The following USP47 variants were observed in gnomAD, a reference collection of about 807,000 sequenced individuals.
The protein encoded by USP47 is ubiquitin carboxyl-terminal hydrolase 47.
A neutral mutation model predicts 165.1 loss-of-function variants in USP47; 35 were observed. That is an observed-to-expected ratio of 0.21 (90% confidence interval 0.16 to 0.28). The LOEUF is 0.28. USP47 is among the 10% of genes least tolerant of loss of function. USP47 has a pLI of 1.00. For missense variants in USP47, 1,277 were observed against 1,607.4 expected, an observed-to-expected ratio of 0.79 and a Z score of 3.52; for synonymous variants, 531 against 544.5, an observed-to-expected ratio of 0.98 and a Z score of 0.35.
chr11:11,946,793 A>C (rs543138678), intron 20 of USP47, among the ~76,000 whole-genome samples: 6 of 152,338 alleles, frequency 3.9e-5, no homozygotes, highest in Admixed American at 1.3e-4. Context: ...CAAAAGGTAG[A>C]TAGTAAATAA....
intron 8 of USP47, among the ~76,000 whole-genome samples, chr11:11,911,409 T>A (rs1852973964): frequency 6.6e-6 from 1 of 151,566 alleles, no homozygotes; most frequent in African/African-American, 2.4e-5. Flanking sequence ...CAGATCTGAG[T>A]AGCTGAGCAA....
At chr11:11,948,831 C>T in intron 22 of USP47, 1 of 319,824 alleles carries the variant, frequency 3.1e-6, no homozygotes, top group Non-Finnish European at 5.8e-6. Flanking sequence ...GGCCCTCAGG[C>T]CACTGTTTGT....
chr11:11,931,516 C>G (rs2134690853), intron 14 of USP47, among the ~76,000 whole-genome samples: 1 of 152,238 alleles, frequency 6.6e-6, no homozygotes, highest in Non-Finnish European at 1.5e-5. Flanking sequence ...AAAGAGTAAG[C>G]TGACCCAGGT....
In USP47 at chr11:11,942,843, T is replaced by C; in HGVS notation, c.2822T>C (p.Ile941Thr). 6.2e-7 allele frequency: 1 copy of C among 1,613,762 alleles called. No homozygotes were observed. The change falls in exon 20 of 28, where the codon ATT becomes ACT. Residue 941 changes from isoleucine to threonine, a missense_variant. Coordinates refer to ENST00000527733, the MANE Select transcript of USP47 (RefSeq NM_001282659.2). ...DRSTSSVDSD[I>T]LSSSHSSDTL... ...AGTACAAGTTCAGTGGACAGTGATA[T>C]TCTTAGCTCCAGTCATAGCAGTGAT...
chr11:11,891,252 C>G (rs1476814130), intron 3 of USP47, among the ~76,000 whole-genome samples: 2 of 152,170 alleles, frequency 1.3e-5, no homozygotes, highest in African/African-American at 2.4e-5. Context: ...TTTTCAGAAT[C>G]CTTCTGTTTA....
chr11:11,866,436 G>A (rs1349364745), intron 1 of USP47, among the ~76,000 whole-genome samples: 1 of 152,194 alleles, frequency 6.6e-6, no homozygotes, highest in Non-Finnish European at 1.5e-5. Context: ...GATGGCATAT[G>A]TGAGCTAATT....
chr11:11,876,332 A>G (rs546250554), intron 1 of USP47, among the ~76,000 whole-genome samples: 2 of 152,232 alleles, frequency 1.3e-5, no homozygotes, highest in African/African-American at 4.8e-5. Context: ...TTAATGTTGG[A>G]TGTAGTACTT....
intron 1 of USP47, among the ~76,000 whole-genome samples, chr11:11,871,492 A>C (rs1305295588): frequency 1.8e-5 from 2 of 109,096 alleles, no homozygotes; most frequent in African/African-American, 3.5e-5. Flanking sequence ...ACAGAGCGAA[A>C]CTCCCTCTCA....
Position 11,936,427 on chromosome 11 carries a change from G to A in USP47, c.1994G>A (p.Gly665Asp). The change falls in exon 17 of 28, where the codon GGT becomes GAT. Residue 665 changes from glycine (G) to aspartate (D), a missense_variant. Gly to Asp is a moderately conservative substitution (Grantham distance 94, BLOSUM62 -1). Coordinates refer to ENST00000527733, the MANE Select transcript of USP47 (RefSeq NM_001282659.2). ...EEDTPMGLLL[G>D]GVKSTYMFDL... ...GATACACCAATGGGGCTTCTACTAGGTGGCGTCAAGTCAACATATATGTTT... is the reference window on the plus strand; with the variant it reads ...GATACACCAATGGGGCTTCTACTAGATGGCGTCAAGTCAACATATATGTTT... 6.2e-7 allele frequency: 1 copy of A among 1,610,070 alleles called. No homozygotes were observed. The highest frequency in any genetic ancestry group is 8.5e-7 in the Non-Finnish European group (1 of 1,177,328).
At chr11:11,913,258 C>CAAAA (rs796881838) in intron 8 of USP47, among the ~76,000 whole-genome samples, 138 of 78,308 alleles carry the variant, frequency 1.8e-3, no homozygotes, top group East Asian at 3.7e-3. Flanking sequence ...ATCCCTTGTA[C>CAAAA]AAAAAAAAAA....
At chr11:11,848,607 ATT>A (rs35165430) in intron 1 of USP47, among the ~76,000 whole-genome samples, 1,917 of 113,494 alleles carry the variant, frequency 0.017, 26 homozygotes, top group East Asian at 0.074. Context: ...TGAAACTGGC[ATT>A]TTTTTTTTTT....
Position 11,870,609 on chromosome 11 carries a change from C to T in USP47, c.40-9568C>T, listed in dbSNP as rs1849974701. ...ATTCCACTTGATTATTAAAGCAATT[C>T]CTGGGTCGTTCTTGAAGGGCATTTC... On this transcript the variant is annotated intron_variant, in intron 1 of 27. Transcript: ENST00000527733. 2.6e-5 allele frequency among the ~76,000 whole-genome samples: 4 copies of T among 152,124 alleles called. No individual in the cohort carries two copies. In the South Asian group the frequency reaches 8.3e-4, roughly 31 times the overall value.
At chr11:11,887,668 G>A (rs933955202) in intron 3 of USP47, among the ~76,000 whole-genome samples, 6 of 152,028 alleles carry the variant, frequency 3.9e-5, no homozygotes, top group Admixed American at 2.0e-4. Context: ...ACAGATCATC[G>A]AAACAGAAAA....
chr11:11,913,360 C>G (rs996288059), intron 8 of USP47, among the ~76,000 whole-genome samples: 1 of 148,604 alleles, frequency 6.7e-6, no homozygotes, highest in African/African-American at 2.5e-5. Context: ...AAGATACTAA[C>G]AATGAACATG....
Position 11,961,648 on chromosome 11 carries a change from G to A in USP47, c.*5473G>A, listed in dbSNP as rs952223040. 6.6e-6 allele frequency among the ~76,000 whole-genome samples: 1 copy of A among 152,236 alleles called. No individual in the cohort carries two copies. Among genetic ancestry groups the A allele is most frequent in the Non-Finnish European group, 1.5e-5 (1 of 68,044 alleles). ...CTCAAAGGCAGGGGAAGTGGATGGA[G>A]GGCAGGAGCTCCATTCTTGTTTGCC... On this transcript the variant is annotated 3_prime_UTR_variant, in exon 28 of 28. Transcript: ENST00000527733.
intron 17 of USP47, 79 bp from the exon 18 acceptor site, chr11:11,938,178 A>G (rs556345495): frequency 9.8e-6 from 12 of 1,219,276 alleles, no homozygotes; most frequent in Admixed American, 3.8e-5. Context: ...TGTTAGAAAC[A>G]CATTAAGAAT....
At chr11:11,855,914 T>C (rs1045157895) in intron 1 of USP47, among the ~76,000 whole-genome samples, 1 of 152,096 alleles carries the variant, frequency 6.6e-6, no homozygotes, top group African/African-American at 2.4e-5. Context: ...GACAAACAGG[T>C]GACCAGACAA....
intron 19 of USP47, among the ~76,000 whole-genome samples, chr11:11,941,832 T>C (rs1855495029): frequency 6.6e-6 from 1 of 152,126 alleles, no homozygotes. Context: ...AATTTTCCTG[T>C]GTCTTTTTTG....
chr11:11,925,528 TTGTTAG>T (rs769246877), intron 11 of USP47, among the ~76,000 whole-genome samples: 8 of 152,220 alleles, frequency 5.3e-5, no homozygotes, highest in South Asian at 2.1e-4. Context: ...TCTTTTTGGA[TTGTTAG>T]TGTTAGTGAA....
Sources: gnomAD v4.1 joint callset for allele counts (sites outside exome capture counted in the v4.1 genomes callset) on GRCh38, gnomAD v4.1.1 for gene constraint, MANE v1.5 for transcripts, NCBI Gene and HGNC (gene_info 2026-07-23, HGNC 2026-07-21) for gene names.